Variants in ATP1A4 observed in about 807,000 individuals in gnomAD.
ATP1A4 encodes ATPase Na+/K+ transporting subunit alpha 4, also known as sodium/potassium-transporting ATPase subunit alpha-4.
ATP1A4 carries 90 observed loss-of-function variants against 114.3 expected under a neutral mutation model. That is an observed-to-expected ratio of 0.79 (90% confidence interval 0.66 to 0.94). ATP1A4 has a LOEUF of 0.94. Among genes scored for constraint, ATP1A4 ranks in the 40% least tolerant of loss-of-function variants. ATP1A4 has a pLI of 0.00. For synonymous variants in ATP1A4, 511 were observed against 494.1 expected, an observed-to-expected ratio of 1.03 and a Z score of -0.45; for missense variants, 1,222 against 1,313.6, an observed-to-expected ratio of 0.93 and a Z score of 1.08.
chr1:160,173,125 A>C (rs149264866), intron 12 of ATP1A4, among the ~76,000 whole-genome samples: 3,384 of 152,272 alleles, frequency 0.022, 49 homozygotes, highest in Non-Finnish European at 0.036. Flanking sequence ...CCAAGCTGAA[A>C]CCAAGGCACA....
intron 7 of ATP1A4, among the ~76,000 whole-genome samples, chr1:160,165,141 C>G (rs1406582012): frequency 1.3e-5 from 2 of 152,140 alleles, no homozygotes; most frequent in Admixed American, 1.3e-4. Context: ...GGCCACCTGT[C>G]TTGATGATCA....
Position 160,166,705 on chromosome 1 carries a change from G to A in ATP1A4, c.1225G>A (p.Asp409Asn), listed in dbSNP as rs562910467. Residue 409 changes from aspartate (D) to asparagine (N), a missense_variant, in exon 8 of 22, where the codon GAC becomes AAC. By Grantham distance (23) the Asp-to-Asn change is conservative (BLOSUM62 1). Coordinates refer to ENST00000368081, the MANE Select transcript of ATP1A4 (RefSeq NM_144699.4). ...GTTTGATATGACCGTGTATGAGGCC[G>A]ACACCACTGAAGAACAGACTGGTGA... ...MWFDMTVYEA[D>N]TTEEQTGKTF... The A allele has an allele frequency of 2.4e-5, 39 of 1,614,198 alleles. No individual in the cohort carries two copies. The highest frequency in any genetic ancestry group is 5.0e-5 in the Admixed American group (3 of 60,028).
At chr1:160,160,007 T>TA (rs945355743) in intron 6 of ATP1A4, among the ~76,000 whole-genome samples, 4 of 152,182 alleles carry the variant, frequency 2.6e-5, no homozygotes, top group Admixed American at 2.0e-4. Context: ...CTTTACCACT[T>TA]AAACTTTGGC....
rs909879252 is a variant in ATP1A4, at chr1:160,180,936, G to A, written c.2737-748G>A. On this transcript the variant is annotated intron_variant, in intron 18 of 21. Coordinates refer to ENST00000368081, the MANE Select transcript of ATP1A4 (RefSeq NM_144699.4). ...TCATTGTGTTAGCCAGGATGGTCTT[G>A]ATCTCCTGACCTCGTGATCTGCCCA... Among the ~76,000 whole-genome samples the A allele has an allele frequency of 1.6e-4, 25 of 151,766 alleles. No homozygotes were observed. In the South Asian group the frequency reaches 3.3e-3, roughly 20 times the overall value.
chr1:160,151,958 C>G lies in ATP1A4; in HGVS notation c.-83C>G, dbSNP rs965909930. The G allele has an allele frequency of 2.0e-6, 3 of 1,506,584 alleles. No individual in the cohort carries two copies. In the Admixed American group the frequency reaches 6.7e-5, roughly 34 times the overall value. 93.3% of individuals were successfully genotyped at this position (1,506,584 alleles called of 1,614,324 possible). On this transcript the variant is annotated 5_prime_UTR_variant, in exon 1 of 22. Coordinates refer to ENST00000368081, the MANE Select transcript of ATP1A4 (RefSeq NM_144699.4). The stretch of plus-strand genomic sequence containing the variant: ...TCTCTTCTCGTGGCCCCCTTGCCCG[C>G]GCGCCCTCTTCCCTTCCCCTTGCCT...
At chr1:160,182,643 T>C (rs907035475) in intron 20 of ATP1A4, 1 of 152,886 alleles carries the variant, frequency 6.5e-6, no homozygotes, top group Non-Finnish European at 1.5e-5. Context: ...GGATTTAGTA[T>C]GTATTCTTCC....
Position 160,166,731 on chromosome 1 carries a change from C to G in ATP1A4, c.1246+5C>G. On this transcript the variant is annotated splice_donor_5th_base_variant and intron_variant, in intron 8 of 21. Coordinates refer to ENST00000368081, the MANE Select transcript of ATP1A4 (RefSeq NM_144699.4). ...ACACCACTGAAGAACAGACTGGTGA[C>G]TAGTGGTATTGGTGGAACAAGAGTG... 1 of 1,614,050 alleles carries G rather than the reference C, an allele frequency of 6.2e-7. No homozygotes were observed. The highest frequency in any genetic ancestry group is 8.5e-7 in the Non-Finnish European group (1 of 1,180,006).
rs1242858276 is a variant in ATP1A4 at position 160,181,789 on chromosome 1, A to G, written c.2842A>G (p.Asn948Asp). 4 of 1,613,596 alleles carry G rather than the reference A, an allele frequency of 2.5e-6. No homozygotes were observed. The highest frequency in any genetic ancestry group is 3.4e-6 in the Non-Finnish European group (4 of 1,179,950). ...TCTCATCATCTCCAAGACTCGCCGCAACTCACTTTTCCAGCAGGGCATGAG... is the reference window on the plus strand; with the variant it reads ...TCTCATCATCTCCAAGACTCGCCGCGACTCACTTTTCCAGCAGGGCATGAG... Reference protein sequence around the residue: ...ADLIISKTRRNSLFQQGMRNK... With the variant: ...ADLIISKTRRDSLFQQGMRNK... The change falls in exon 19 of 22, where the codon AAC (asparagine) becomes GAC (aspartate). Residue 948 changes from asparagine to aspartate, a missense_variant. Coordinates refer to ENST00000368081, the MANE Select transcript of ATP1A4 (RefSeq NM_144699.4).
At chr1:160,158,377 CT>C (rs1010189389) in intron 4 of ATP1A4, among the ~76,000 whole-genome samples, 2 of 151,464 alleles carry the variant, frequency 1.3e-5, no homozygotes, top group South Asian at 2.1e-4. Context: ...CATGAAAGCA[CT>C]TTTTTTTTAA....
intron 6 of ATP1A4, among the ~76,000 whole-genome samples, chr1:160,163,034 T>A (rs1373522691): frequency 6.6e-6 from 1 of 152,162 alleles, no homozygotes; most frequent in East Asian, 1.9e-4. Context: ...CATAATGACC[T>A]CTCAGAGGGC....
chr1:160,156,430 T>C (rs1652668860), intron 4 of ATP1A4, among the ~76,000 whole-genome samples: 2 of 150,496 alleles, frequency 1.3e-5, no homozygotes, highest in South Asian at 4.2e-4. Flanking sequence ...ATAAGAACAT[T>C]CTATTTTTTT....
intron 4 of ATP1A4, among the ~76,000 whole-genome samples, chr1:160,158,574 C>G (rs759024228): frequency 6.6e-6 from 1 of 151,966 alleles, no homozygotes; most frequent in Non-Finnish European, 1.5e-5. Flanking sequence ...GAGACAGGGT[C>G]TCCCTATGTT....
chr1:160,166,389 T>C (rs539799486), intron 7 of ATP1A4, 139 bp from the exon 8 acceptor site: 6 of 1,107,044 alleles, frequency 5.4e-6, no homozygotes, highest in African/African-American at 4.8e-5. Flanking sequence ...AAATGAAATG[T>C]GTAAAGAGTA....
At chr1:160,164,783 C>G (rs1652974984) in intron 7 of ATP1A4, among the ~76,000 whole-genome samples, 1 of 152,174 alleles carries the variant, frequency 6.6e-6, no homozygotes, top group Admixed American at 6.5e-5. Context: ...CAGGAAAGGA[C>G]TTCAAAGATC....
In ATP1A4 at chr1:160,186,749, G is replaced by C. The variant is rs1653909387; in HGVS notation, c.*50G>C. On this transcript the variant is annotated 3_prime_UTR_variant, in exon 22 of 22. Coordinates refer to ENST00000368081, the MANE Select transcript of ATP1A4 (RefSeq NM_144699.4). ...TGACACAGGGGTGTTGTGAGAGCTG[G>C]GATGGGGCCAGAGATTATAAGTTTG... 6.3e-6 allele frequency: 10 copies of C among 1,575,006 alleles called. No homozygotes were observed. The East Asian group carries it at 2.3e-4, about 36-fold the overall frequency.
intron 12 of ATP1A4, among the ~76,000 whole-genome samples, chr1:160,172,330 G>T (rs1382973348): frequency 6.6e-6 from 1 of 152,192 alleles, no homozygotes; most frequent in East Asian, 1.9e-4. Flanking sequence ...GAGGCCTGGG[G>T]CTCTGGACCA....
chr1:160,176,653 C>T, intron 17 of ATP1A4, 51 bp downstream of exon 17: 2 of 1,595,864 alleles, frequency 1.3e-6, no homozygotes, highest in Non-Finnish European at 1.7e-6. Context: ...GTTTCCCCTG[C>T]CTGGCAACGT....
At chr1:160,176,762 G>T (rs775908197) in intron 17 of ATP1A4, among the ~76,000 whole-genome samples, 160 bp downstream of exon 17, 1 of 152,198 alleles carries the variant, frequency 6.6e-6, no homozygotes, top group Non-Finnish European at 1.5e-5. Flanking sequence ...ATCTGTCCTT[G>T]ACTTAGAGTC....
In ATP1A4 at chr1:160,177,637, C is replaced by G; in HGVS notation, c.2709C>G (p.Asp903Glu). 6.2e-7 allele frequency: 1 copy of G among 1,614,144 alleles called. No homozygotes were observed. The highest frequency in any genetic ancestry group is 8.5e-7 in the Non-Finnish European group (1 of 1,180,038). Residue 903 changes from aspartate to glutamate, a missense_variant, in exon 18 of 22, where the codon GAC (aspartate) becomes GAG (glutamate). Physicochemically the swap from Asp to Glu is conservative, Grantham distance 45. Coordinates refer to ENST00000368081, the MANE Select transcript of ATP1A4 (RefSeq NM_144699.4). ...RLHWEDKYLN[D>E]LEDSYGQQWT... Reference sequence around the variant, plus strand: ...ACTGGGAAGATAAATACTTGAATGACCTGGAGGACAGCTACGGACAGCAGT... The same window carrying G: ...ACTGGGAAGATAAATACTTGAATGAGCTGGAGGACAGCTACGGACAGCAGT...
Sources: gnomAD v4.1 joint callset for allele counts (sites outside exome capture counted in the v4.1 genomes callset) on GRCh38, gnomAD v4.1.1 for gene constraint, MANE v1.5 for transcripts, NCBI Gene and HGNC (gene_info 2026-07-23, HGNC 2026-07-21) for gene names.